Variants in SMARCC2 observed in about 807,000 individuals in gnomAD.
SMARCC2 encodes SWI/SNF complex subunit SMARCC2.
Under a neutral mutation model 151.3 loss-of-function variants are expected in SMARCC2, and 15 were observed. The observed-to-expected ratio is 0.10, with a 90% CI of 0.07 to 0.15. SMARCC2 has a LOEUF of 0.15. Ranked by LOEUF, SMARCC2 falls within the 10% of genes least tolerant of loss-of-function variation. SMARCC2 has a pLI of 1.00. For synonymous variants in SMARCC2, 590 were observed against 609.5 expected (o/e 0.97, Z 0.47); for missense variants, 1,031 against 1,599.7 (o/e 0.64, Z 6.06).
rs574989543 is a variant in SMARCC2, at chr12:56,171,550, G to C, written c.2186-118C>G. The C allele has an allele frequency of 6.6e-7, 1 of 1,506,126 alleles. No homozygotes were observed. Among genetic ancestry groups the C allele is most frequent in the South Asian group, 1.2e-5 (1 of 80,888 alleles). The allele number at this position is 1,506,126 out of a possible 1,614,324, so 93.3% of individuals were successfully genotyped here. A position where few individuals can be genotyped will look rare whatever the true frequency, so the allele number is the denominator to read the frequency against. Reference sequence around the variant, plus strand: ...TCTAAGCTAGTATGGAGCCTAGACAGGTGCCTGAGCTGAGGCCCGCACAGA... The same window carrying C: ...TCTAAGCTAGTATGGAGCCTAGACACGTGCCTGAGCTGAGGCCCGCACAGA... On this transcript the variant is annotated intron_variant, in intron 21 of 28. Coordinates refer to ENST00000550164, the MANE Select transcript of SMARCC2 (RefSeq NM_001330288.2). This position sits in a 1 kb window ranked among gnomAD's most constrained non-coding sequence, Gnocchi z 4.2.
intron 5 of SMARCC2, 54 bp downstream of exon 5, chr12:56,184,790 C>G (rs2135749136): frequency 3.7e-6 from 4 of 1,092,286 alleles, no homozygotes; most frequent in African/African-American, 1.6e-5. Context: ...GTATAGAAAA[C>G]ACTGGGAAAA....
chr12:56,187,048 G>GATC, intron 2 of SMARCC2, 139 bp downstream of exon 2: 1 of 772,446 alleles, frequency 1.3e-6, no homozygotes, highest in Admixed American at 2.9e-5. Flanking sequence ...ATAATGCCCT[G>GATC]ATCAGGGATA....
At chr12:56,172,195 C>G in intron 20 of SMARCC2, 1 of 552,838 alleles carries the variant, frequency 1.8e-6, no homozygotes, top group East Asian at 3.1e-5. Context: ...AATCCTCCCA[C>G]TTAGCCTCCT....
At chr12:56,176,178 A>G (rs998842531) in intron 15 of SMARCC2, among the ~76,000 whole-genome samples, 1 of 152,146 alleles carries the variant, frequency 6.6e-6, no homozygotes, top group Admixed American at 6.6e-5. Context: ...TTTTATACCA[A>G]GAGTTCAGTT....
At chr12:56,163,819 G>T in intron 28 of SMARCC2, 54 bp from the exon 29 acceptor site, 1 of 1,204,446 alleles carries the variant, frequency 8.3e-7, no homozygotes, top group South Asian at 1.6e-5. Context: ...GATGGCTCCA[G>T]ACCCAGACCA....
chr12:56,188,831 G>A (rs995442466), intron 1 of SMARCC2, among the ~76,000 whole-genome samples: 1 of 152,144 alleles, frequency 6.6e-6, no homozygotes, highest in South Asian at 2.1e-4. Flanking sequence ...CCTGGGTGGA[G>A]ACCTTTTTCA....
intron 13 of SMARCC2, 118 bp downstream of exon 13, chr12:56,178,692 A>G: frequency 7.0e-7 from 1 of 1,432,812 alleles, no homozygotes; most frequent in African/African-American, 1.4e-5. Flanking sequence ...TTTTGAACAA[A>G]GCTGGAATTA....
intron 7 of SMARCC2, chr12:56,183,454 C>T (rs775313202): frequency 9.5e-5 from 15 of 158,168 alleles, no homozygotes; most frequent in Non-Finnish European, 2.1e-4. Flanking sequence ...AGGCGTGAGC[C>T]ACCATGCCAG....
At chr12:56,167,834 G>A (rs1401457718) in intron 26 of SMARCC2, among the ~76,000 whole-genome samples, 1 of 151,582 alleles carries the variant, frequency 6.6e-6, no homozygotes, top group Non-Finnish European at 1.5e-5. Flanking sequence ...GCCCTGCTCT[G>A]CTTTGAAGCC....
At chr12:56,170,278 T>A in intron 22 of SMARCC2, 70 bp from the exon 23 acceptor site, 5 of 1,087,288 alleles carry the variant, frequency 4.6e-6, no homozygotes, top group Non-Finnish European at 6.7e-6. Context: ...AACACTTTTC[T>A]TTTTTTTTAG....
chr12:56,187,397 T>G, intron 1 of SMARCC2, 91 bp from the exon 2 acceptor site: 1 of 1,285,810 alleles, frequency 7.8e-7, no homozygotes, highest in South Asian at 1.3e-5. Context: ...TCTGGAAGCA[T>G]GTGGAGCAAA....
intron 2 of SMARCC2, 42 bp downstream of exon 2, chr12:56,187,145 A>G: frequency 6.4e-7 from 1 of 1,556,530 alleles, no homozygotes; most frequent in East Asian, 2.3e-5. Context: ...TGAAGGATTC[A>G]CCACCACCAC....
chr12:56,175,292 T>C (rs983568746), intron 15 of SMARCC2, among the ~76,000 whole-genome samples: 14 of 152,224 alleles, frequency 9.2e-5, no homozygotes, highest in African/African-American at 3.4e-4. Context: ...ATTACAGGCA[T>C]GAGCCACTGC....
Position 56,164,509 on chromosome 12 carries a change from T to C in SMARCC2, c.3455A>G (p.His1152Arg). 6.2e-7 allele frequency: 1 copy of C among 1,613,866 alleles called. No homozygotes were observed. The highest frequency in any genetic ancestry group is 2.2e-5 in the East Asian group (1 of 44,852). ...AGTGCCCGGGGCGAACGGGAGATGG[T>C]GGTGATGCCCATGCAGGTTAGGAGG... The part of the protein sequence containing the change: ...PAPPNLHGHH[H>R]HLPFAPGTLP... The change falls in exon 28 of 29, where the codon CAC becomes CGC. Residue 1152 changes from histidine (H) to arginine (R), a missense_variant. By Grantham distance (29) the His-to-Arg change is conservative. Around this residue, in one of 12 missense-constraint regions of SMARCC2, gnomAD observed 310 missense variants for 350.0 expected, o/e 0.89. Coordinates refer to ENST00000550164, the MANE Select transcript of SMARCC2 (RefSeq NM_001330288.2).
intron 15 of SMARCC2, among the ~76,000 whole-genome samples, chr12:56,175,205 T>C (rs1874714955): frequency 6.6e-6 from 1 of 152,132 alleles, no homozygotes; most frequent in South Asian, 2.1e-4. Flanking sequence ...GAGACAGGGT[T>C]TCTCCATGTT....
chr12:56,181,764 A>T lies in SMARCC2; in HGVS notation c.780T>A (p.Asn260Lys). 2 of 1,614,060 alleles carry T rather than the reference A, an allele frequency of 1.2e-6. No homozygotes were observed. Among genetic ancestry groups the T allele is most frequent in the South Asian group, 2.2e-5 (2 of 91,076 alleles). ...GGCGGGAGACAGGGTTTTTGTCATC[A>T]TTTACTTCATAGTCTTCCTCATTCA... is the stretch of plus-strand genomic sequence containing the variant. ...EWMNEEDYEV[N>K]DDKNPVSRRK... The change falls in exon 9 of 29, where the codon AAT becomes AAA. Residue 260 changes from asparagine to lysine, a missense_variant. Asn to Lys is a moderately conservative substitution (Grantham distance 94). Transcript: ENST00000550164.
intron 6 of SMARCC2, 114 bp from the exon 7 acceptor site, chr12:56,184,044 A>C: frequency 9.8e-7 from 1 of 1,019,240 alleles, no homozygotes. Flanking sequence ...ACTTGGTAAT[A>C]GGAACTTAAG....
rs1872014802 is a variant in SMARCC2 at position 56,162,513 on chromosome 12, CAAG to C, written c.*1173_*1175del. On this transcript the variant is annotated 3_prime_UTR_variant, in exon 29 of 29. Coordinates refer to ENST00000550164, the MANE Select transcript of SMARCC2 (RefSeq NM_001330288.2). ...GAACAAAGGGCCTGGTGGGAGGAAC[CAAG>C]AAGAACCAGTGCAGAGCCTGGAGTC... 1.1e-5 allele frequency: 6 copies of C among 558,596 alleles called. No homozygotes were observed. The East Asian group carries it at 1.5e-4, about 14-fold the overall frequency. The allele number at this position is 558,596 out of a possible 1,614,324, so 34.6% of individuals were successfully genotyped here.
chr12:56,163,698 A>G lies in SMARCC2; in HGVS notation c.3729T>C (p.Pro1243=). 2 of 1,494,920 alleles carry G rather than the reference A, an allele frequency of 1.3e-6. No homozygotes were observed. Among genetic ancestry groups the G allele is most frequent in the Admixed American group, 2.7e-5 (1 of 37,076 alleles). The allele number at this position is 1,494,920 out of a possible 1,614,324, so 92.6% of individuals were successfully genotyped here. ...PSPGTVTPVP[P]PQ is the part of the protein sequence containing the mutation. ...ATGTCTGGCTGGCTCCTCACTGTGG[A>G]GGTGGCACAGGGGTGACCGTGCCTG... The change falls in exon 29 of 29, where the codon CCT becomes CCC. Residue 1243 remains proline, a synonymous_variant. Transcript: ENST00000550164.
Sources: allele counts gnomAD v4.1 joint callset (sites outside exome capture counted in the v4.1 genomes callset), GRCh38; gene constraint gnomAD v4.1.1; regional missense constraint gnomAD v4.1.1; non-coding constraint Gnocchi (gnomAD v3.1); transcripts MANE v1.5; gene names NCBI Gene and HGNC (gene_info 2026-07-23, HGNC 2026-07-21).